IARS2: variants seen among roughly 807,000 people sequenced by gnomAD.
The protein encoded by IARS2 is isoleucyl-tRNA synthetase 2, mitochondrial.
In IARS2, 56 loss-of-function variants were observed where a neutral mutation model predicts 126.3. The observed-to-expected ratio is 0.44, with a 90% CI of 0.36 to 0.55. The LOEUF (loss-of-function observed/expected upper bound fraction) is 0.55. IARS2 is among the 20% of genes least tolerant of loss of function. The pLI is 0.00. For missense variants in IARS2, 1,127 were observed against 1,245.9 expected (o/e 0.90, Z 1.44); for synonymous variants, 407 against 441.1 (o/e 0.92, Z 0.97).
rs905415996 is a variant in IARS2, at chr1:220,107,158, A to G, written c.1327+7A>G. 5.0e-6 allele frequency: 8 copies of G among 1,589,816 alleles called. No homozygotes were observed. Among genetic ancestry groups the G allele is most frequent in the Non-Finnish European group, 6.9e-6 (8 of 1,158,070 alleles). On this transcript the variant is annotated splice_region_variant and intron_variant, in intron 10 of 22. Coordinates refer to ENST00000366922, the MANE Select transcript of IARS2 (RefSeq NM_018060.4). ...GAAGAGGGAACTGATGTGGGTGAGCATCATATCTGTTGATATCATACATGT... is the reference window on the plus strand; with the variant it reads ...GAAGAGGGAACTGATGTGGGTGAGCGTCATATCTGTTGATATCATACATGT...
intron 8 of IARS2, among the ~76,000 whole-genome samples, chr1:220,105,256 A>G (rs947985363): frequency 2.0e-5 from 3 of 152,184 alleles, no homozygotes; most frequent in Non-Finnish European, 1.5e-5. Context: ...TCTTTTATAA[A>G]TGCAGAGGAT....
At chr1:220,147,362 TG>T (rs769906387) in intron 22 of IARS2, 130 bp from the exon 23 acceptor site, 9 of 779,580 alleles carry the variant, frequency 1.2e-5, no homozygotes, top group African/African-American at 3.5e-5. Context: ...ATGGGACAAA[TG>T]GGGAAGTGTC....
chr1:220,110,600 G>A (rs1656780189), intron 10 of IARS2, among the ~76,000 whole-genome samples, 186 bp from the exon 11 acceptor site: 1 of 152,126 alleles, frequency 6.6e-6, no homozygotes, highest in African/African-American at 2.4e-5. Context: ...TCCTGACCTC[G>A]TGATTTGCCT....
intron 3 of IARS2, 100 bp from the exon 4 acceptor site, chr1:220,102,029 A>G (rs1656585734): frequency 1.7e-6 from 2 of 1,169,682 alleles, no homozygotes; most frequent in Non-Finnish European, 2.5e-6. Flanking sequence ...TGCATTCTAA[A>G]CTGTCTGTAG....
At chr1:220,138,469 CA>C (rs1205013476) in intron 17 of IARS2, among the ~76,000 whole-genome samples, 1 of 149,962 alleles carries the variant, frequency 6.7e-6, no homozygotes, top group Non-Finnish European at 1.5e-5. Flanking sequence ...GACCTTGTCT[CA>C]AAAAAAACAA....
intron 14 of IARS2, among the ~76,000 whole-genome samples, chr1:220,132,946 T>G (rs953484672): frequency 1.3e-5 from 2 of 152,206 alleles, no homozygotes. Flanking sequence ...TCTCAGACTT[T>G]CCTGGCTGCA....
At chr1:220,123,668 G>A (rs1046967035) in intron 12 of IARS2, among the ~76,000 whole-genome samples, 5 of 152,024 alleles carry the variant, frequency 3.3e-5, no homozygotes, top group African/African-American at 1.2e-4. Context: ...TAGTAGAGAT[G>A]GGGTTTCACC....
chr1:220,124,956 C>A (rs1657121873), intron 12 of IARS2, among the ~76,000 whole-genome samples: 1 of 152,080 alleles, frequency 6.6e-6, no homozygotes, highest in Admixed American at 6.5e-5. Flanking sequence ...AGGCAGAAAT[C>A]AGAAGAGGGA....
chr1:220,127,542 A>C (rs1354956324), intron 14 of IARS2, among the ~76,000 whole-genome samples: 1 of 152,222 alleles, frequency 6.6e-6, no homozygotes, highest in African/African-American at 2.4e-5. Flanking sequence ...ATGAAGAACA[A>C]GGCTTGTTAT....
chr1:220,103,616 G>C, intron 8 of IARS2, 54 bp downstream of exon 8: 2 of 1,102,388 alleles, frequency 1.8e-6, no homozygotes, highest in South Asian at 2.5e-5. Flanking sequence ...GGGCTGACTT[G>C]AATTTACTAC....
chr1:220,106,752 C>T (rs1656689436), intron 9 of IARS2, among the ~76,000 whole-genome samples: 1 of 151,634 alleles, frequency 6.6e-6, no homozygotes, highest in South Asian at 2.1e-4. Flanking sequence ...CCTGCCTCAG[C>T]CTCCCGAGTA....
chr1:220,145,076 G>A (rs1286184081), intron 21 of IARS2, among the ~76,000 whole-genome samples: 21 of 145,898 alleles, frequency 1.4e-4, no homozygotes, highest in African/African-American at 5.1e-4. Flanking sequence ...CTCACCCAAT[G>A]ATACATGAAA....
intron 21 of IARS2, among the ~76,000 whole-genome samples, chr1:220,145,181 T>C (rs1657562930): frequency 6.6e-6 from 1 of 152,176 alleles, no homozygotes; most frequent in South Asian, 2.1e-4. Context: ...AACCTCTCTT[T>C]GCTTGTTTCT....
chr1:220,139,889 T>C (rs1657452259), intron 18 of IARS2, among the ~76,000 whole-genome samples: 1 of 152,252 alleles, frequency 6.6e-6, no homozygotes, highest in Admixed American at 6.5e-5. Flanking sequence ...GAATTGTTGG[T>C]GACGTCCACT....
chr1:220,100,210 C>A (rs1322287593), intron 2 of IARS2, among the ~76,000 whole-genome samples: 1 of 152,162 alleles, frequency 6.6e-6, no homozygotes, highest in African/African-American at 2.4e-5. Context: ...ATATTCCATT[C>A]TCTGAGTACA....
rs1448853451 is a variant in IARS2 at position 220,145,618 on chromosome 1, T to C, written c.2861T>C (p.Ile954Thr). Residue 954 changes from isoleucine to threonine, a missense_variant, in exon 22 of 23, where the codon ATC becomes ACC. Coordinates refer to ENST00000366922, the MANE Select transcript of IARS2 (RefSeq NM_018060.4). ...CCACGAGAGATGACTGCAGATGTAATCGAGCTTAAAGGGAAATTCCTCATC... is the reference window on the plus strand; with the variant it reads ...CCACGAGAGATGACTGCAGATGTAACCGAGCTTAAAGGGAAATTCCTCATC... The part of the protein sequence containing the change: ...QEPREMTADV[I>T]ELKGKFLINL... 1 of 1,613,476 alleles carries C rather than the reference T, an allele frequency of 6.2e-7. No individual in the cohort carries two copies. Among genetic ancestry groups the C allele is most frequent in the Non-Finnish European group, 8.5e-7 (1 of 1,179,616 alleles).
rs1003118784 is a variant in IARS2 at position 220,105,849 on chromosome 1, C to T, written c.1067-42C>T. On this transcript the variant is annotated intron_variant, in intron 8 of 22. Coordinates refer to ENST00000366922, the MANE Select transcript of IARS2 (RefSeq NM_018060.4). ...TGCTAAGCTTAAGGAGATAGATTTG[C>T]CATATAAAATGATTCTTAATAGTGG... The T allele has an allele frequency of 5.9e-6, 9 of 1,536,086 alleles. No individual in the cohort carries two copies. In the Admixed American group the frequency reaches 1.5e-4, roughly 26 times the overall value.
At chr1:220,140,438 G>A (rs1657464310) in intron 19 of IARS2, 149 bp downstream of exon 19, 3 of 578,830 alleles carry the variant, frequency 5.2e-6, no homozygotes, top group Non-Finnish European at 9.2e-6. Context: ...AATTAGCCGG[G>A]CATGGTGGCA....
At chr1:220,107,929 C>T (rs1656714652) in intron 10 of IARS2, among the ~76,000 whole-genome samples, 1 of 152,176 alleles carries the variant, frequency 6.6e-6, no homozygotes, top group African/African-American at 2.4e-5. Context: ...GAGACAATCT[C>T]ACTTTCTCAC....
Sources: allele counts gnomAD v4.1 joint callset (sites outside exome capture counted in the v4.1 genomes callset), GRCh38; gene constraint gnomAD v4.1.1; transcripts MANE v1.5; gene names NCBI Gene and HGNC (gene_info 2026-07-23, HGNC 2026-07-21).